COBL: variants seen among roughly 807,000 people sequenced by gnomAD.
COBL encodes protein cordon-bleu.
Under a neutral mutation model 98.8 loss-of-function variants are expected in COBL, and 51 were observed. The observed-to-expected ratio is 0.52, with a 90% CI of 0.41 to 0.65. The LOEUF is 0.65. Ranked by LOEUF, COBL falls within the 30% of genes least tolerant of loss-of-function variation. The pLI, the probability that COBL is intolerant of heterozygous loss-of-function variation, is 0.00. For missense variants in COBL, 1,617 were observed against 1,617.5 expected (o/e 1.00, Z 0.01); for synonymous variants, 634 against 651.7 (o/e 0.97, Z 0.41).
chr7:51,244,718 A>G (rs1796132760), intron 1 of COBL, among the ~76,000 whole-genome samples: 1 of 152,068 alleles, frequency 6.6e-6, no homozygotes. Context: ...GGTGACCCCA[A>G]CAGGGCCCTC....
rs149461023 is a variant in COBL, at chr7:51,028,614, G to T, written c.2482C>A (p.Pro828Thr). 2 of 1,613,808 alleles carry T rather than the reference G, an allele frequency of 1.2e-6. No individual in the cohort carries two copies. Among genetic ancestry groups the T allele is most frequent in the South Asian group, 1.1e-5 (1 of 91,038 alleles). ...QKSAHHEGRN[P>T]LGEGRNQPPT... ...GGCTGGTTTCTCCCCTCCCCTAGGG[G>T]GTTCCGGCCCTCATGGTGGGCAGAC... Residue 828 changes from proline to threonine, a missense_variant, in exon 10 of 13, where the codon CCC becomes ACC. Pro to Thr is a conservative substitution (Grantham distance 38). Coordinates refer to ENST00000265136, the MANE Select transcript of COBL (RefSeq NM_015198.5).
chr7:51,143,013 G>A (rs1398048529), intron 5 of COBL, among the ~76,000 whole-genome samples: 4 of 152,084 alleles, frequency 2.6e-5, no homozygotes, highest in Non-Finnish European at 5.9e-5. Flanking sequence ...ACTTCATCAG[G>A]GCAGGTGGAG....
rs78192807 is a variant in COBL at position 51,213,757 on chromosome 7, G to C, written c.245+5984C>G. The stretch of plus-strand genomic sequence containing the variant: ...ATCAGAAGCCACATCGCCGGAAACA[G>C]AACCCATGACTAACAACAGAGCCAC... On this transcript the variant is annotated intron_variant, in intron 2 of 12. Coordinates refer to ENST00000265136, the MANE Select transcript of COBL (RefSeq NM_015198.5). Among the ~76,000 whole-genome samples, 1,396 of 152,082 alleles carry C rather than the reference G, an allele frequency of 9.2e-3. 20 individuals are homozygous for C. The highest frequency in any genetic ancestry group is 0.032 in the African/African-American group (1,316 of 41,428).
chr7:51,068,147 T>C (rs1792144993), intron 7 of COBL, among the ~76,000 whole-genome samples: 1 of 152,200 alleles, frequency 6.6e-6, no homozygotes, highest in Admixed American at 6.5e-5. Context: ...TTGGTAAACA[T>C]GGTTTAAAGA....
chr7:51,230,837 G>A (rs1794672501), intron 1 of COBL, among the ~76,000 whole-genome samples: 1 of 152,186 alleles, frequency 6.6e-6, no homozygotes, highest in Admixed American at 6.5e-5. Context: ...ACGTGGGGCA[G>A]ATCCCCTGCT....
intron 5 of COBL, among the ~76,000 whole-genome samples, chr7:51,140,748 G>A (rs763810030): frequency 7.5e-4 from 114 of 152,168 alleles, no homozygotes; most frequent in Non-Finnish European, 1.3e-3. Context: ...GAACCTGATA[G>A]GGCACTGAGA....
intron 1 of COBL, among the ~76,000 whole-genome samples, chr7:51,303,577 G>A (rs960533362): frequency 6.6e-6 from 1 of 152,188 alleles, no homozygotes; most frequent in African/African-American, 2.4e-5. Flanking sequence ...CCACAAGGAA[G>A]TGTGTCAAAG....
At chr7:51,017,930 C>T (rs896592552) in intron 12 of COBL, among the ~76,000 whole-genome samples, 9 of 152,194 alleles carry the variant, frequency 5.9e-5, no homozygotes, top group African/African-American at 1.7e-4. Flanking sequence ...CTGAGAGGAT[C>T]GTGACTAACA....
At chr7:51,207,329 A>G (rs572798761) in intron 2 of COBL, among the ~76,000 whole-genome samples, 1 of 152,178 alleles carries the variant, frequency 6.6e-6, no homozygotes, top group African/African-American at 2.4e-5. Flanking sequence ...CCTAGTGGGT[A>G]CAATGTGTTA....
chr7:51,285,214 G>C (rs1017460970), intron 1 of COBL, among the ~76,000 whole-genome samples: 3 of 151,952 alleles, frequency 2.0e-5, no homozygotes, highest in Non-Finnish European at 4.4e-5. Context: ...TAAAGTGCTG[G>C]GATTACAGGC....
intron 5 of COBL, among the ~76,000 whole-genome samples, chr7:51,151,869 C>T (rs188957760): frequency 3.9e-5 from 6 of 152,346 alleles, no homozygotes; most frequent in South Asian, 2.1e-4. Flanking sequence ...GGAGACCCCA[C>T]GGACAAGCCA....
chr7:51,036,266 G>A (rs554801652), intron 8 of COBL, among the ~76,000 whole-genome samples: 1 of 149,962 alleles, frequency 6.7e-6, no homozygotes, highest in Non-Finnish European at 1.5e-5. Context: ...GAACCCAGGA[G>A]GGGGAGGATG....
chr7:51,233,798 T>G (rs562681919), intron 1 of COBL, among the ~76,000 whole-genome samples: 1 of 152,196 alleles, frequency 6.6e-6, no homozygotes, highest in African/African-American at 2.4e-5. Flanking sequence ...CAATGTCTAA[T>G]GGAGAGAGCC....
At chr7:51,138,757 C>T (rs1799472661) in intron 5 of COBL, among the ~76,000 whole-genome samples, 1 of 152,216 alleles carries the variant, frequency 6.6e-6, no homozygotes, top group Non-Finnish European at 1.5e-5. Flanking sequence ...AACTACACAC[C>T]TGTACCCATG....
At chr7:51,070,310 A>G (rs906582014) in intron 7 of COBL, among the ~76,000 whole-genome samples, 1 of 151,900 alleles carries the variant, frequency 6.6e-6, no homozygotes, top group African/African-American at 2.4e-5. Flanking sequence ...TCATTTTACC[A>G]TGGTGACTAA....
intron 1 of COBL, among the ~76,000 whole-genome samples, chr7:51,234,472 A>C (rs1418152572): frequency 6.6e-6 from 1 of 152,206 alleles, no homozygotes; most frequent in Non-Finnish European, 1.5e-5. Flanking sequence ...AGGCCTAGGC[A>C]GGCAAATCAC....
chr7:51,028,508 GTTC>G lies in COBL; in HGVS notation c.2585_2587del (p.Arg862del). On this transcript the variant is annotated inframe_deletion, in exon 10 of 13. Transcript: ENST00000265136. Reference sequence around the variant, plus strand: ...GGCAGAGGCCACATACTGGCTGGACGTTCTTCTCTGAGGCTTGAGAAATGTGAC... The same window carrying G: ...GGCAGAGGCCACATACTGGCTGGACGTTCTCTGAGGCTTGAGAAATGTGAC... 6.2e-7 allele frequency: 1 copy of G among 1,614,258 alleles called. No individual in the cohort carries two copies. Among genetic ancestry groups the G allele is most frequent in the Non-Finnish European group, 8.5e-7 (1 of 1,180,050 alleles).
intron 12 of COBL, among the ~76,000 whole-genome samples, chr7:51,020,363 C>A (rs935528163): frequency 6.6e-6 from 1 of 152,106 alleles, no homozygotes; most frequent in African/African-American, 2.4e-5. Context: ...AATAGCAGAC[C>A]CCGCACCCCT....
intron 1 of COBL, among the ~76,000 whole-genome samples, chr7:51,299,203 G>C (rs771379700): frequency 7.2e-5 from 11 of 152,064 alleles, no homozygotes; most frequent in Non-Finnish European, 1.5e-5. Context: ...CTCCTCCAGG[G>C]CTGGACATCC....
Sources: allele counts gnomAD v4.1 joint callset (sites outside exome capture counted in the v4.1 genomes callset), GRCh38; gene constraint gnomAD v4.1.1; transcripts MANE v1.5; gene names NCBI Gene and HGNC (gene_info 2026-07-23, HGNC 2026-07-21).